Variants in CMIP observed in about 807,000 individuals in gnomAD.
The protein encoded by CMIP is c-Maf inducing protein.
Under a neutral mutation model 97.3 loss-of-function variants are expected in CMIP, and 13 were observed. The ratio of observed to expected loss-of-function variants is 0.13; its 90% confidence interval spans 0.09 to 0.21. CMIP has a LOEUF of 0.21. Ranked by LOEUF, CMIP falls within the 10% of genes least tolerant of loss-of-function variation. The probability of loss-of-function intolerance (pLI) is 1.00; values close to 1 mark genes in which losing one functional copy is unlikely to be tolerated. For missense variants in CMIP, 847 were observed against 1,024.9 expected (o/e 0.83, Z 2.37); for synonymous variants, 538 against 436.3 (o/e 1.23, Z -2.91).
Position 81,604,713 on chromosome 16 carries a change from CAAA to C in CMIP, c.301-2849_301-2847del, listed in dbSNP as rs527742265. Among the ~76,000 whole-genome samples the C allele has an allele frequency of 4.6e-5, 7 of 151,974 alleles. No homozygotes were observed. In the South Asian group the frequency reaches 1.5e-3, roughly 32 times the overall value. On this transcript the variant is annotated intron_variant, in intron 1 of 20. Transcript: ENST00000537098. ...AGACTCCGTCTCAAACAAAACAAAA[CAAA>C]AAAACAGTATGTATTTATTTATACC...
intron 3 of CMIP, among the ~76,000 whole-genome samples, chr16:81,642,617 A>C (rs1265905787): frequency 6.6e-6 from 1 of 152,224 alleles, no homozygotes; most frequent in African/African-American, 2.4e-5. Context: ...GAGACAACCC[A>C]AGAGTTCATC....
intron 1 of CMIP, among the ~76,000 whole-genome samples, chr16:81,563,308 C>G (rs1469350966): frequency 6.6e-6 from 1 of 152,192 alleles, no homozygotes; most frequent in Non-Finnish European, 1.5e-5. Flanking sequence ...ACCTTGGAGC[C>G]AGAAGTCCTG....
chr16:81,549,592 G>A (rs2090614011), intron 1 of CMIP, among the ~76,000 whole-genome samples: 1 of 152,200 alleles, frequency 6.6e-6, no homozygotes, highest in African/African-American at 2.4e-5. Flanking sequence ...TGAAATGCCA[G>A]TGGTCCTGAG....
intron 1 of CMIP, among the ~76,000 whole-genome samples, chr16:81,456,735 A>T (rs1906573144): frequency 6.6e-6 from 1 of 152,154 alleles, no homozygotes; most frequent in South Asian, 2.1e-4. Context: ...TGTGGCTGGT[A>T]AGCAGAGTTT....
rs1172605082 is a variant in CMIP at position 81,607,598 on chromosome 16, A to G, written c.332A>G (p.Tyr111Cys). 1 of 1,614,014 alleles carries G rather than the reference A, an allele frequency of 6.2e-7. No individual in the cohort carries two copies. The highest frequency in any genetic ancestry group is 2.2e-5 in the East Asian group (1 of 44,888). ...GGGTACATGGAAAACTCAGTCTCCT[A>G]CAGCGCAATTGAAGACGTTCAGCTG... ...PTGYMENSVS[Y>C]SAIEDVQLLS... The change falls in exon 2 of 21, where the codon TAC (tyrosine) becomes TGC (cysteine). Residue 111 changes from tyrosine to cysteine, a missense_variant. Tyr to Cys is a radical substitution (Grantham distance 194). Around this residue, in one of 4 missense-constraint regions of CMIP, gnomAD observed 285 missense variants for 392.2 expected, o/e 0.73. Transcript: ENST00000537098.
Position 81,601,175 on chromosome 16 carries a change from C to T in CMIP, c.301-6392C>T, listed in dbSNP as rs542175239. On this transcript the variant is annotated intron_variant, in intron 1 of 20. Transcript: ENST00000537098. ...CGACTGGGCAAGGTTTCTCTGGCCT[C>T]GGGAATAAGCTCATGGGAGGATTTT... Among the ~76,000 whole-genome samples, 16 of 152,336 alleles carry T rather than the reference C, an allele frequency of 1.1e-4. No individual in the cohort carries two copies. In the South Asian group the frequency reaches 2.9e-3, roughly 28 times the overall value.
intron 1 of CMIP, among the ~76,000 whole-genome samples, chr16:81,540,686 T>TG: frequency 8.6e-6 from 1 of 116,824 alleles, no homozygotes; most frequent in Admixed American, 8.5e-5. Flanking sequence ...GTGTGTGTGT[T>TG]TGTTTTTGTT....
At chr16:81,456,360 A>G (rs1038950246) in intron 1 of CMIP, among the ~76,000 whole-genome samples, 19 of 152,214 alleles carry the variant, frequency 1.2e-4, no homozygotes, top group Non-Finnish European at 2.4e-4. Context: ...CAAGAGTTCA[A>G]GGTTACACAG....
At chr16:81,508,958 G>A (rs1048044560) in intron 1 of CMIP, among the ~76,000 whole-genome samples, 10 of 152,210 alleles carry the variant, frequency 6.6e-5, no homozygotes, top group African/African-American at 1.9e-4. Context: ...TTTGCTCAGC[G>A]TGGAGTCTCC....
At chr16:81,476,541 G>A in intron 1 of CMIP, 1 of 624,134 alleles carries the variant, frequency 1.6e-6, no homozygotes, top group Non-Finnish European at 3.0e-6. Context: ...CAGGTTTCCC[G>A]ACGGCGCCGG....
chr16:81,524,680 G>A (rs1369200777), intron 1 of CMIP, among the ~76,000 whole-genome samples: 3 of 152,254 alleles, frequency 2.0e-5, no homozygotes, highest in African/African-American at 4.8e-5. Flanking sequence ...GGCGGCACAG[G>A]CCCTGCTCAG....
intron 1 of CMIP, among the ~76,000 whole-genome samples, chr16:81,599,450 C>A (rs943143189): frequency 6.6e-6 from 1 of 152,196 alleles, no homozygotes; most frequent in African/African-American, 2.4e-5. Flanking sequence ...TGGGTTTCTG[C>A]CTTGGAGGCC....
At chr16:81,686,602 A>T (rs1295481717) in intron 10 of CMIP, among the ~76,000 whole-genome samples, 1 of 152,154 alleles carries the variant, frequency 6.6e-6, no homozygotes. Flanking sequence ...TTTCCTGGTC[A>T]TTCTTTTCTC....
chr16:81,455,163 G>A (rs889999051), intron 1 of CMIP, among the ~76,000 whole-genome samples: 4 of 152,194 alleles, frequency 2.6e-5, no homozygotes, highest in Admixed American at 1.3e-4. Flanking sequence ...CCGGGAGCCC[G>A]GGATGTCACA....
At chr16:81,613,747 G>A (rs1243978261) in intron 2 of CMIP, among the ~76,000 whole-genome samples, 1 of 152,082 alleles carries the variant, frequency 6.6e-6, no homozygotes, top group Non-Finnish European at 1.5e-5. Flanking sequence ...GACTTTCTTC[G>A]CTGAGCAGAA....
intron 1 of CMIP, among the ~76,000 whole-genome samples, chr16:81,604,290 G>A (rs1297994889): frequency 6.6e-6 from 1 of 151,754 alleles, no homozygotes; most frequent in African/African-American, 2.4e-5. Context: ...CAGCTACTCA[G>A]GAGGCTGAGG....
chr16:81,629,134 TAAAAA>T (rs10533097), intron 3 of CMIP, among the ~76,000 whole-genome samples: 5,300 of 45,688 alleles, frequency 0.12, 229 homozygotes, highest in African/African-American at 0.19. Flanking sequence ...AAACTGTGCT[TAAAAA>T]AAAAAAAAAA....
intron 1 of CMIP, among the ~76,000 whole-genome samples, chr16:81,492,938 G>C (rs1038624145): frequency 6.6e-5 from 10 of 152,154 alleles, no homozygotes; most frequent in Admixed American, 1.3e-4. Context: ...CGGCCGAAGA[G>C]GAGGGCCCGT....
At chr16:81,462,047 T>G (rs1201953504) in intron 1 of CMIP, among the ~76,000 whole-genome samples, 6 of 152,250 alleles carry the variant, frequency 3.9e-5, no homozygotes, top group Non-Finnish European at 5.9e-5. Flanking sequence ...ATCATTATCT[T>G]TTACTTCTCT....
Sources: allele counts gnomAD v4.1 joint callset (sites outside exome capture counted in the v4.1 genomes callset), GRCh38; gene constraint gnomAD v4.1.1; regional missense constraint gnomAD v4.1.1; transcripts MANE v1.5; gene names NCBI Gene and HGNC (gene_info 2026-07-23, HGNC 2026-07-21).